Variants in MEP1A observed in about 807,000 individuals in gnomAD.
The protein encoded by MEP1A is meprin A subunit alpha, also known as N-benzoyl-L-tyrosyl-P-amino-benzoic acid hydrolase subunit alpha.
In MEP1A, 68 loss-of-function variants were observed where a neutral mutation model predicts 84.5. The observed-to-expected ratio is 0.80, with a 90% CI of 0.66 to 0.98. The LOEUF is 0.98. Among genes scored for constraint, MEP1A ranks in the 50% least tolerant of loss-of-function variants. The pLI is 0.00. For missense variants in MEP1A, 887 were observed against 919.9 expected, an observed-to-expected ratio of 0.96 and a Z score of 0.46; for synonymous variants, 337 against 336.8, an observed-to-expected ratio of 1.00 and a Z score of -0.01.
At chr6:46,844,910 C>G in the MEP1A span, among the ~76,000 whole-genome samples, 3 of 143,972 alleles carry the variant, frequency 2.1e-5, no homozygotes, top group Non-Finnish European at 4.6e-5. Flanking sequence ...GGTGGTTTCC[C>G]CCATGCTGTT....
chr6:46,798,488 G>A (rs936351105), intron 3 of MEP1A, 118 bp from the exon 4 acceptor site: 5 of 841,512 alleles, frequency 5.9e-6, no homozygotes, highest in Admixed American at 2.1e-5. Flanking sequence ...AAAAAGTTTT[G>A]CCACATAAAG....
downstream of MEP1A, among the ~76,000 whole-genome samples, chr6:46,840,699 T>C (rs1235186813): frequency 6.6e-6 from 1 of 152,260 alleles, no homozygotes; most frequent in African/African-American, 2.4e-5. Flanking sequence ...CACATGACTT[T>C]ACCACTTACA....
At chr6:46,807,512 T>TAAAGAAAGAAAGGAAG (rs1767355591) in intron 5 of MEP1A, among the ~76,000 whole-genome samples, 1 of 49,526 alleles carries the variant, frequency 2.0e-5, no homozygotes, top group Non-Finnish European at 4.0e-5. Context: ...CCATCTGAAA[T>TAAAGAAAGAAAGGAAG]AAAGAAAGAA....
intron 13 of MEP1A, 100 bp downstream of exon 13, chr6:46,835,649 T>C (rs1768203452): frequency 4.0e-6 from 5 of 1,237,970 alleles, no homozygotes; most frequent in Non-Finnish European, 5.7e-6. Context: ...GGGCGAAGAC[T>C]ACCTCAGATG....
intron 6 of MEP1A, among the ~76,000 whole-genome samples, chr6:46,810,141 T>G (rs28785288): frequency 0.015 from 2,233 of 152,148 alleles, 50 homozygotes; most frequent in African/African-American, 0.05. Flanking sequence ...TTTTAAAAAT[T>G]TTTTAATTAT....
chr6:46,830,024 T>C (rs539798243), intron 10 of MEP1A, among the ~76,000 whole-genome samples: 1 of 152,088 alleles, frequency 6.6e-6, no homozygotes, highest in South Asian at 2.1e-4. Flanking sequence ...GGCGGCCTTG[T>C]GGATCACAAG....
At chr6:46,822,187 A>G (rs1226198645) in intron 7 of MEP1A, among the ~76,000 whole-genome samples, 3 of 152,214 alleles carry the variant, frequency 2.0e-5, no homozygotes, top group Non-Finnish European at 4.4e-5. Flanking sequence ...TGGAAACACA[A>G]TCATAACCAT....
At chr6:46,804,567 C>T (rs1474861434) in intron 5 of MEP1A, among the ~76,000 whole-genome samples, 1 of 151,512 alleles carries the variant, frequency 6.6e-6, no homozygotes, top group Non-Finnish European at 1.5e-5. Context: ...TACACTTTAC[C>T]CCAGTCACCT....
chr6:46,842,929 G>A (rs1768359186), downstream of MEP1A, among the ~76,000 whole-genome samples: 1 of 152,174 alleles, frequency 6.6e-6, no homozygotes, highest in Admixed American at 6.5e-5. Flanking sequence ...TAGTTCCCCT[G>A]ATAAACCATC....
rs1282722316 is a variant in MEP1A, at chr6:46,834,741, G to T, written c.1773G>T (p.Val591=). 2 of 1,610,110 alleles carry T rather than the reference G, an allele frequency of 1.2e-6. No individual in the cohort carries two copies. The highest frequency in any genetic ancestry group is 2.7e-5 in the African/African-American group (2 of 74,752). ...AAAATGATGACCTCATCATATTTGT[G>T]GACTTTGAAGGTACTTTTGTTGGTC... The part of the protein sequence containing the change: ...FLKNDDLIIF[V]DFEDITHLSQ... The change falls in exon 12 of 14, where the codon GTG becomes GTT. Residue 591 remains valine (V), a synonymous_variant. Coordinates refer to ENST00000230588, the MANE Select transcript of MEP1A (RefSeq NM_005588.3).
intron 5 of MEP1A, among the ~76,000 whole-genome samples, chr6:46,801,849 T>A (rs1296491334): frequency 6.6e-6 from 1 of 152,064 alleles, no homozygotes; most frequent in African/African-American, 2.4e-5. Flanking sequence ...ACATTTGCTA[T>A]AAAATTTTGC....
In MEP1A at chr6:46,829,532, G is replaced by A. The variant is rs1247092871; in HGVS notation, c.1105G>A (p.Gly369Ser). The change falls in exon 10 of 14, where the codon GGC becomes AGC. Residue 369 changes from glycine (G) to serine (S), a missense_variant. Coordinates refer to ENST00000230588, the MANE Select transcript of MEP1A (RefSeq NM_005588.3). ...VVWVRRDDSTGNVRKLVKVQT... is the reference protein window; with the variant it reads ...VVWVRRDDSTSNVRKLVKVQT... The stretch of plus-strand genomic sequence containing the variant: ...CTGGGTCAGGAGGGATGACAGCACA[G>A]GCAATGTTCGCAAGTTGGTGAAGGT... 1 of 1,614,186 alleles carries A rather than the reference G, an allele frequency of 6.2e-7. No individual in the cohort carries two copies. The highest frequency in any genetic ancestry group is 1.1e-5 in the South Asian group (1 of 91,078).
chr6:46,809,367 A>G, intron 5 of MEP1A, 53 bp from the exon 6 acceptor site: 1 of 1,123,408 alleles, frequency 8.9e-7, no homozygotes, highest in South Asian at 1.4e-5. Flanking sequence ...TAAGTTATAG[A>G]TATTATCTAA....
chr6:46,834,733 A>C lies in MEP1A; in HGVS notation c.1765A>C (p.Ile589Leu), dbSNP rs1768171872. ...RSFLKNDDLI[I>L]FVDFEDITHL... is the part of the protein sequence containing the mutation. ...TTTCCTGAAAAATGATGACCTCATC[A>C]TATTTGTGGACTTTGAAGGTACTTT... Residue 589 changes from isoleucine to leucine, a missense_variant, in exon 12 of 14, where the codon ATA (isoleucine) becomes CTA (leucine). By Grantham distance (5) the Ile-to-Leu change is conservative. Coordinates refer to ENST00000230588, the MANE Select transcript of MEP1A (RefSeq NM_005588.3). The C allele has an allele frequency of 1.2e-6, 2 of 1,611,276 alleles. No homozygotes were observed. The highest frequency in any genetic ancestry group is 3.3e-5 in the Admixed American group (2 of 59,978).
intron 6 of MEP1A, among the ~76,000 whole-genome samples, chr6:46,813,676 T>G (rs1030046667): frequency 1.3e-5 from 2 of 152,118 alleles, no homozygotes; most frequent in Non-Finnish European, 2.9e-5. Flanking sequence ...GGAGTTCTAT[T>G]TTGGTATATT....
intron 11 of MEP1A, 89 bp from the exon 12 acceptor site, chr6:46,834,489 T>C (rs1190083099): frequency 2.5e-6 from 1 of 407,616 alleles, no homozygotes; most frequent in South Asian, 7.4e-5. Context: ...TTATTTCTGA[T>C]TCACAAAGCC....
At chr6:46,812,865 A>G (rs1043117337) in intron 6 of MEP1A, among the ~76,000 whole-genome samples, 1 of 151,908 alleles carries the variant, frequency 6.6e-6, no homozygotes, top group Admixed American at 6.6e-5. Context: ...ATATTTACTG[A>G]GACTTGTTTT....
rs775695823 is a variant in MEP1A, at chr6:46,829,444, G to A, written c.1017G>A (p.Arg339=). Residue 339 remains arginine, a synonymous_variant, in exon 10 of 14, where the codon AGG becomes AGA. Coordinates refer to ENST00000230588, the MANE Select transcript of MEP1A (RefSeq NM_005588.3). ...AGTCTCGGATTCTTTACCCAAAGAG[G>A]AAGCAGCAGTGCCTGCAATTTTTCT... ...LLESRILYPK[R]KQQCLQFFYK... is the part of the protein sequence containing the mutation. 3 of 1,614,188 alleles carry A rather than the reference G, an allele frequency of 1.9e-6. No homozygotes were observed. Among genetic ancestry groups the A allele is most frequent in the Non-Finnish European group, 2.5e-6 (3 of 1,180,028 alleles).
intron 3 of MEP1A, among the ~76,000 whole-genome samples, chr6:46,798,116 C>A (rs1004894634): frequency 6.6e-6 from 1 of 151,758 alleles, no homozygotes; most frequent in Non-Finnish European, 1.5e-5. Flanking sequence ...TACAGGTGCA[C>A]GCCACCATGC....
Sources: gnomAD v4.1 joint callset for allele counts (sites outside exome capture counted in the v4.1 genomes callset) on GRCh38, gnomAD v4.1.1 for gene constraint, MANE v1.5 for transcripts, NCBI Gene and HGNC (gene_info 2026-07-23, HGNC 2026-07-21) for gene names.